The following ASTN1 variants were observed in gnomAD, a reference collection of about 807,000 sequenced individuals.
The protein encoded by ASTN1 is astrotactin 1.
A neutral mutation model predicts 140.7 loss-of-function variants in ASTN1; 41 were observed. The observed-to-expected ratio is 0.29, with a 90% CI of 0.23 to 0.38. The LOEUF (loss-of-function observed/expected upper bound fraction) is 0.38. Ranked by LOEUF, ASTN1 falls within the 10% of genes least tolerant of loss-of-function variation. ASTN1 has a pLI of 1.00. For missense variants in ASTN1, 1,479 were observed against 1,678.8 expected (o/e 0.88, Z 2.08); for synonymous variants, 640 against 652.2 (o/e 0.98, Z 0.29).
At chr1:176,869,336 C>A (rs1467069822) in intron 21 of ASTN1, among the ~76,000 whole-genome samples, 1 of 152,034 alleles carries the variant, frequency 6.6e-6, no homozygotes, top group Non-Finnish European at 1.5e-5. Context: ...TGTGTCTGCC[C>A]CACCAGGCTT....
At chr1:177,029,584 C>T (rs1676314452) in intron 5 of ASTN1, 50 bp downstream of exon 5, 1 of 1,572,242 alleles carries the variant, frequency 6.4e-7, no homozygotes, top group Admixed American at 1.7e-5. Context: ...TCCCCCGCCT[C>T]CCTCACTCCC....
At chr1:177,059,872 A>C (rs892485080) in intron 2 of ASTN1, among the ~76,000 whole-genome samples, 1 of 152,226 alleles carries the variant, frequency 6.6e-6, no homozygotes, top group Non-Finnish European at 1.5e-5. Context: ...GTTTCCTAAC[A>C]GTGAAATAAT....
intron 1 of ASTN1, among the ~76,000 whole-genome samples, chr1:177,069,058 A>T (rs1360172106): frequency 6.6e-6 from 1 of 151,946 alleles, no homozygotes; most frequent in Non-Finnish European, 1.5e-5. Flanking sequence ...CGGCTCAAGC[A>T]ATCTGCCCAC....
chr1:177,114,615 C>T (rs1304455391), intron 1 of ASTN1, among the ~76,000 whole-genome samples: 2 of 152,058 alleles, frequency 1.3e-5, no homozygotes, highest in Non-Finnish European at 2.9e-5. Flanking sequence ...CCACCTTATC[C>T]AGAATTCCTC....
chr1:177,056,121 A>G (rs1416405384), intron 2 of ASTN1, among the ~76,000 whole-genome samples: 1 of 152,186 alleles, frequency 6.6e-6, no homozygotes, highest in East Asian at 1.9e-4. Context: ...AGGCTTTGGT[A>G]GAAAGTTGTT....
intron 1 of ASTN1, among the ~76,000 whole-genome samples, chr1:177,088,800 A>C (rs1679598096): frequency 6.6e-6 from 1 of 152,174 alleles, no homozygotes; most frequent in South Asian, 2.1e-4. Flanking sequence ...TTTCCAATTC[A>C]TATAAATATA....
chr1:176,970,119 A>G lies in ASTN1; in HGVS notation c.1524-4882T>C, dbSNP rs371096699. On this transcript the variant is annotated intron_variant, in intron 8 of 22. Transcript: ENST00000361833. ...TCAGAGTCTTCTCTAAGCACTGGCA[A>G]TTTTCAAGCTTTTGGTTTCTCTCCC... 8.5e-5 allele frequency among the ~76,000 whole-genome samples: 13 copies of G among 152,208 alleles called. No homozygotes were observed. The South Asian group carries it at 2.3e-3, about 27-fold the overall frequency.
chr1:177,046,026 G>A (rs1677202108), intron 2 of ASTN1, among the ~76,000 whole-genome samples: 1 of 152,166 alleles, frequency 6.6e-6, no homozygotes, highest in Non-Finnish European at 1.5e-5. Flanking sequence ...GTAGGATGGA[G>A]AAGTTCTTCT....
chr1:176,888,317 G>T, intron 17 of ASTN1, 113 bp from the exon 18 acceptor site: 1 of 1,262,352 alleles, frequency 7.9e-7, no homozygotes, highest in Non-Finnish European at 1.1e-6. Context: ...TCCAGCAGCA[G>T]GTTGTGTCGC....
At chr1:176,941,278 C>G (rs1671699930) in intron 14 of ASTN1, among the ~76,000 whole-genome samples, 2 of 152,172 alleles carry the variant, frequency 1.3e-5, no homozygotes, top group South Asian at 4.1e-4. Context: ...TTAAAACAAA[C>G]CCAATCCCTG....
At chr1:177,012,620 G>C (rs1675346117) in intron 8 of ASTN1, among the ~76,000 whole-genome samples, 1 of 152,158 alleles carries the variant, frequency 6.6e-6, no homozygotes, top group South Asian at 2.1e-4. Flanking sequence ...TGACACTTAT[G>C]CTGGGACCTC....
chr1:176,939,253 T>C (rs866703914), intron 14 of ASTN1, among the ~76,000 whole-genome samples: 2 of 152,234 alleles, frequency 1.3e-5, no homozygotes, highest in African/African-American at 4.8e-5. Flanking sequence ...CATTTCTTAA[T>C]TGGTGCTTTT....
intron 8 of ASTN1, among the ~76,000 whole-genome samples, chr1:176,998,069 G>T (rs1674539599): frequency 6.6e-6 from 1 of 152,104 alleles, no homozygotes; most frequent in African/African-American, 2.4e-5. Context: ...TATCCTAATA[G>T]CTCACATGGT....
In ASTN1 at chr1:176,942,857, TATATATATA is replaced by T. The variant is rs1557978129; in HGVS notation, c.2377+1025_2377+1033del. ...ATATGTATATATATATATATATATA[TATATATATA>T]GATTGATGTCTCATGTCTCCTTAAA... On this transcript the variant is annotated intron_variant, in intron 14 of 22. Coordinates refer to ENST00000361833, the MANE Select transcript of ASTN1 (RefSeq NM_004319.3). Among the ~76,000 whole-genome samples, 73 of 98,670 alleles carry T rather than the reference TATATATATA, an allele frequency of 7.4e-4. 10 individuals are homozygous for T. Among genetic ancestry groups the T allele is most frequent in the Middle Eastern group, 4.5e-3 (1 of 220 alleles). 64.7% of individuals were successfully genotyped at this position (98,670 alleles called of 152,430 possible).
At chr1:176,890,688 A>G (rs939054835) in intron 17 of ASTN1, among the ~76,000 whole-genome samples, 2 of 152,240 alleles carry the variant, frequency 1.3e-5, no homozygotes, top group African/African-American at 4.8e-5. Context: ...GTCATTTTGC[A>G]AAAGCTGTCA....
chr1:177,030,782 AG>A (rs1676393252), intron 4 of ASTN1, 23 bp downstream of exon 4: 1 of 1,613,604 alleles, frequency 6.2e-7, no homozygotes, highest in Non-Finnish European at 8.5e-7. Context: ...TCCACCCACG[AG>A]CCCTAATGTC....
intron 7 of ASTN1, among the ~76,000 whole-genome samples, chr1:177,020,170 G>C (rs868145509): frequency 6.6e-6 from 1 of 152,168 alleles, no homozygotes; most frequent in African/African-American, 2.4e-5. Flanking sequence ...TTATAGGTGT[G>C]AGCTGCCACG....
At chr1:177,141,753 T>C (rs571701447) in intron 1 of ASTN1, among the ~76,000 whole-genome samples, 2 of 152,338 alleles carry the variant, frequency 1.3e-5, no homozygotes, top group African/African-American at 4.8e-5. Context: ...TATCTCTGTC[T>C]CTTAGCTGGT....
intron 16 of ASTN1, among the ~76,000 whole-genome samples, chr1:176,914,387 G>C (rs1006607596): frequency 2.6e-5 from 4 of 152,172 alleles, no homozygotes; most frequent in African/African-American, 9.6e-5. Context: ...TAGGTAGTTA[G>C]AAACAGTGTA....
Sources: allele counts gnomAD v4.1 joint callset (sites outside exome capture counted in the v4.1 genomes callset), GRCh38; gene constraint gnomAD v4.1.1; transcripts MANE v1.5; gene names NCBI Gene and HGNC (gene_info 2026-07-23, HGNC 2026-07-21).